The following USP36 variants were observed in gnomAD, a reference collection of about 807,000 sequenced individuals.
The protein encoded by USP36 is ubiquitin specific peptidase 36.
Under a neutral mutation model 111.5 loss-of-function variants are expected in USP36, and 59 were observed. That is an observed-to-expected ratio of 0.53 (90% confidence interval 0.43 to 0.66). The LOEUF (loss-of-function observed/expected upper bound fraction) is 0.66, where lower values mean the gene tolerates loss of function less well. USP36 is among the 30% of genes least tolerant of loss of function. The pLI is 0.00. For synonymous variants in USP36, 628 were observed against 581.0 expected, an observed-to-expected ratio of 1.08 and a Z score of -1.16; for missense variants, 1,488 against 1,468.0, an observed-to-expected ratio of 1.01 and a Z score of -0.22.
chr17:78,825,582 T>A (rs1365464135), intron 6 of USP36, among the ~76,000 whole-genome samples: 1 of 152,098 alleles, frequency 6.6e-6, no homozygotes, highest in African/African-American at 2.4e-5. Context: ...CCCACCCCAA[T>A]GCCCAGACCG....
intron 10 of USP36, among the ~76,000 whole-genome samples, chr17:78,815,095 A>G (rs1473768675): frequency 1.3e-5 from 2 of 152,222 alleles, no homozygotes; most frequent in East Asian, 3.8e-4. Flanking sequence ...GCACTTTGGG[A>G]GGCCGAGGCG....
chr17:78,825,931 C>T (rs1350418309), intron 6 of USP36, among the ~76,000 whole-genome samples: 1 of 152,172 alleles, frequency 6.6e-6, no homozygotes, highest in Non-Finnish European at 1.5e-5. Context: ...ACAGCATTGG[C>T]CACACCACAT....
intron 14 of USP36, among the ~76,000 whole-genome samples, chr17:78,806,631 G>T (rs1229591806): frequency 1.3e-5 from 2 of 152,296 alleles, no homozygotes; most frequent in East Asian, 3.9e-4. Context: ...CCCTGCTAGG[G>T]ACACGTGCTG....
At position 78,835,518 on chromosome 17, in the gene USP36, C is replaced by T; in HGVS notation, c.254-17G>A. On this transcript the variant is annotated splice_polypyrimidine_tract_variant and intron_variant, in intron 3 of 20. Coordinates refer to ENST00000449938, the MANE Select transcript of USP36 (RefSeq NM_001385174.1). Reference sequence around the variant, plus strand: ...GCTCACTGCCTGAGGAAGAAAGGGACAAGGGAAGAAAAGAGGAAGACGTAA... The same window carrying T: ...GCTCACTGCCTGAGGAAGAAAGGGATAAGGGAAGAAAAGAGGAAGACGTAA... 6.3e-7 allele frequency: 1 copy of T among 1,575,788 alleles called. No homozygotes were observed. Among genetic ancestry groups the T allele is most frequent in the South Asian group, 1.2e-5 (1 of 86,708 alleles).
intron 2 of USP36, among the ~76,000 whole-genome samples, chr17:78,836,798 G>GACAC (rs71365539): frequency 0.16 from 23,521 of 145,546 alleles, 1,893 homozygotes; most frequent in South Asian, 0.21. Context: ...TACACACACG[G>GACAC]ACACACACAC....
chr17:78,812,801 G>C, intron 13 of USP36, 59 bp downstream of exon 13: 1 of 1,593,368 alleles, frequency 6.3e-7, no homozygotes, highest in Non-Finnish European at 8.6e-7. Flanking sequence ...CCAAGTGTGA[G>C]GAGGTCTGTG....
chr17:78,820,607 C>T (rs7207012), intron 8 of USP36, among the ~76,000 whole-genome samples: 1 of 152,130 alleles, frequency 6.6e-6, no homozygotes, highest in African/African-American at 2.4e-5. Context: ...CCCTCCCGCA[C>T]CCTGTAGCTG....
downstream of USP36, among the ~76,000 whole-genome samples, chr17:78,793,127 A>G (rs953119977): frequency 1.3e-5 from 2 of 151,272 alleles, no homozygotes; most frequent in Non-Finnish European, 2.9e-5. Context: ...CTGCTGCCCT[A>G]TGAGCATTGA....
intron 3 of USP36, among the ~76,000 whole-genome samples, chr17:78,788,760 C>T (rs1033410530): frequency 9.8e-5 from 15 of 152,300 alleles, no homozygotes; most frequent in African/African-American, 3.4e-4. Context: ...ACATCATCTA[C>T]GGCCTCCCCT....
chr17:78,801,046 G>A (rs536008024), intron 17 of USP36, among the ~76,000 whole-genome samples: 344 of 142,708 alleles, frequency 2.4e-3, no homozygotes, highest in African/African-American at 8.5e-3. Context: ...GCGCAATCTC[G>A]GCTCACTGCA....
Position 78,803,880 on chromosome 17 carries a change from G to A in USP36, c.2315C>T (p.Ser772Leu), listed in dbSNP as rs772820975. ...GATGGAGGAGCAGCTCCGTGGTTCT[G>A]ACGTCCCTGGGGGCTTGGGGGTACT... ...LSSTPKPPGTSEPRSCSSIST... is the reference protein window; with the variant it reads ...LSSTPKPPGTLEPRSCSSIST... Residue 772 changes from serine (S) to leucine (L), a missense_variant, in exon 16 of 21, where the codon TCA becomes TTA. By Grantham distance (145) the Ser-to-Leu change is moderately radical (BLOSUM62 -2). Around this residue, in one of 3 missense-constraint regions of USP36, gnomAD observed 1,073 missense variants for 994.1 expected, o/e 1.08. Coordinates refer to ENST00000449938, the MANE Select transcript of USP36 (RefSeq NM_001385174.1). The surrounding 1 kb of genome is among the most constrained non-coding windows in gnomAD (Gnocchi z 4.6). The A allele has an allele frequency of 5.6e-6, 9 of 1,610,532 alleles. No homozygotes were observed. The South Asian group carries it at 9.9e-5, about 18-fold the overall frequency.
chr17:78,832,479 T>G (rs1196997724), intron 4 of USP36, among the ~76,000 whole-genome samples: 1 of 152,232 alleles, frequency 6.6e-6, no homozygotes, highest in Non-Finnish European at 1.5e-5. Flanking sequence ...GGACCGGTAT[T>G]GGAAGGAAGA....
Position 78,807,644 on chromosome 17 carries a change from G to C in USP36, c.1408-8C>G. 6.6e-7 allele frequency: 1 copy of C among 1,515,380 alleles called. No individual in the cohort carries two copies. The highest frequency in any genetic ancestry group is 8.8e-7 in the Non-Finnish European group (1 of 1,132,286). The allele number at this position is 1,515,380 out of a possible 1,614,324, so 93.9% of individuals were successfully genotyped here. On this transcript the variant is annotated splice_polypyrimidine_tract_variant and splice_region_variant and intron_variant, in intron 13 of 20. Coordinates refer to ENST00000449938, the MANE Select transcript of USP36 (RefSeq NM_001385174.1). ...CGTCCCAGAGTCTTGTCGCTAAGGA[G>C]ACCAAAGCAGAAAACACAACTGAGG...
At chr17:78,822,135 A>C (rs1180961292) in intron 6 of USP36, 131 bp from the exon 7 acceptor site, 2 of 985,046 alleles carry the variant, frequency 2.0e-6, no homozygotes, top group African/African-American at 3.3e-5. Context: ...CCCCCACCCG[A>C]GTCACCACAG....
At chr17:78,821,601 T>C (rs552267345) in intron 7 of USP36, among the ~76,000 whole-genome samples, 42 of 151,596 alleles carry the variant, frequency 2.8e-4, no homozygotes, top group African/African-American at 1.0e-3. Context: ...CTGATTTTTG[T>C]ATTTTTAGTG....
At chr17:78,815,839 A>G (rs2094168576) in intron 10 of USP36, among the ~76,000 whole-genome samples, 1 of 124,114 alleles carries the variant, frequency 8.1e-6, no homozygotes, top group Non-Finnish European at 1.5e-5. Flanking sequence ...ATATATACAT[A>G]CACACACACA....
At chr17:78,816,033 T>C (rs1180170582) in intron 10 of USP36, among the ~76,000 whole-genome samples, 1 of 152,142 alleles carries the variant, frequency 6.6e-6, no homozygotes, top group African/African-American at 2.4e-5. Context: ...TTAGCAGTAA[T>C]AGTGCCTGGC....
downstream of USP36, among the ~76,000 whole-genome samples, chr17:78,792,742 A>T (rs1341836717): frequency 6.6e-6 from 1 of 151,984 alleles, no homozygotes; most frequent in African/African-American, 2.4e-5. Flanking sequence ...TTTTTGAGAC[A>T]GAGTCTCACT....
At chr17:78,812,340 T>C (rs1429947060) in intron 13 of USP36, among the ~76,000 whole-genome samples, 1 of 152,124 alleles carries the variant, frequency 6.6e-6, no homozygotes, top group Non-Finnish European at 1.5e-5. Flanking sequence ...GGGTCAGAAT[T>C]TTCTCATTCA....
Sources: gnomAD v4.1 joint callset for allele counts (sites outside exome capture counted in the v4.1 genomes callset) on GRCh38, gnomAD v4.1.1 for gene constraint, gnomAD v4.1.1 regional missense constraint, Gnocchi (gnomAD v3.1) non-coding constraint, MANE v1.5 for transcripts, NCBI Gene and HGNC (gene_info 2026-07-23, HGNC 2026-07-21) for gene names.